Variants in PLAC1 observed in about 807,000 individuals in gnomAD.
The protein encoded by PLAC1 is placenta-specific protein 1.
For synonymous variants in PLAC1, 68 were observed against 62.1 expected, an observed-to-expected ratio of 1.09 and a Z score of -0.44; for missense variants, 136 against 163.2, an observed-to-expected ratio of 0.83 and a Z score of 0.91.
At chrX:134,636,740 T>A (rs2078285093) in intron 1 of PLAC1, among the ~76,000 whole-genome samples, 1 of 112,358 alleles carries the variant, frequency 8.9e-6, no homozygotes, top group Non-Finnish European at 1.9e-5. Context: ...TTAAAAGATA[T>A]CACGCTCCCT....
chrX:134,576,025 T>C (rs185499121), intron 2 of PLAC1, among the ~76,000 whole-genome samples: 39 of 108,460 alleles, frequency 3.6e-4, no homozygotes, highest in Non-Finnish European at 6.3e-4. Flanking sequence ...TGGTAATCTA[T>C]CTTCCCTTAA....
In PLAC1 at chrX:134,586,178, G is replaced by A. The variant is rs777514087; in HGVS notation, c.-59+15873C>T. Among the ~76,000 whole-genome samples the A allele has an allele frequency of 4.5e-5, 5 of 111,746 alleles. No individual in the cohort carries two copies. The East Asian group carries it at 1.1e-3, about 25-fold the overall frequency. ...TGTAAATAATTGTTGGGTCCAAGAA[G>A]ACCAACAACTGGCATTTTCCTGCCC... On this transcript the variant is annotated intron_variant, in intron 2 of 2. Transcript: ENST00000359237.
At chrX:134,658,071 A>G (rs1244034910) in intron 1 of PLAC1, among the ~76,000 whole-genome samples, 1 of 111,934 alleles carries the variant, frequency 8.9e-6, no homozygotes, top group Non-Finnish European at 1.9e-5. Flanking sequence ...TTAAATAAAG[A>G]ACAGACCAAA....
chrX:134,685,293 T>C (rs181592198), intron 2 of PLAC1, among the ~76,000 whole-genome samples: 3 of 111,188 alleles, frequency 2.7e-5, no homozygotes, highest in Non-Finnish European at 5.7e-5. Flanking sequence ...ACCAGATACA[T>C]AGGAATCCCT....
chrX:134,650,002 G>A (rs898335407), intron 1 of PLAC1, among the ~76,000 whole-genome samples: 1 of 111,709 alleles, frequency 9.0e-6, no homozygotes, highest in Non-Finnish European at 1.9e-5. Context: ...ATGCCAGAGA[G>A]TTCCTGCCCT....
At chrX:134,734,364 C>T (rs1281142801) in intron 1 of PLAC1, among the ~76,000 whole-genome samples, 2 of 112,557 alleles carry the variant, frequency 1.8e-5, no homozygotes, top group East Asian at 2.8e-4. Context: ...CGCATGGGGC[C>T]GGGGGGCTCC....
At chrX:134,595,625 A>G (rs2078058815) in intron 2 of PLAC1, among the ~76,000 whole-genome samples, 1 of 107,594 alleles carries the variant, frequency 9.3e-6, no homozygotes, top group Non-Finnish European at 1.9e-5. Context: ...GTGTATATAT[A>G]TATATATATC....
chrX:134,693,586 C>T (rs376604971), intron 2 of PLAC1, among the ~76,000 whole-genome samples: 32 of 111,729 alleles, frequency 2.9e-4, no homozygotes, highest in Admixed American at 8.5e-4. Context: ...AGCTCGCCTT[C>T]GCATAGCTTC....
At chrX:134,684,985 AG>A (rs1470825920) in intron 2 of PLAC1, among the ~76,000 whole-genome samples, 3 of 112,240 alleles carry the variant, frequency 2.7e-5, no homozygotes, top group Admixed American at 1.9e-4. Flanking sequence ...TCATGGCAAA[AG>A]GTGGTAAAGG....
intron 2 of PLAC1, among the ~76,000 whole-genome samples, chrX:134,698,428 G>C (rs1004906170): frequency 5.4e-5 from 6 of 111,628 alleles, no homozygotes; most frequent in African/African-American, 2.0e-4. Flanking sequence ...ACTCCAGCGT[G>C]GGCAACAAGA....
intron 2 of PLAC1, among the ~76,000 whole-genome samples, chrX:134,665,093 TG>T (rs1714823090): frequency 2.7e-5 from 3 of 109,681 alleles, no homozygotes; most frequent in Non-Finnish European, 3.8e-5. Flanking sequence ...TGTGTGTGTG[TG>T]TATGTGAGTG....
At chrX:134,704,476 C>T (rs1358295816) in intron 2 of PLAC1, among the ~76,000 whole-genome samples, 2 of 85,897 alleles carry the variant, frequency 2.3e-5, no homozygotes, top group Non-Finnish European at 4.5e-5. Context: ...CTGGGCAACA[C>T]AGTGAGACTC....
At position 134,585,228 on chromosome X, in the gene PLAC1, C is replaced by A. The variant is rs1054117935; in HGVS notation, c.-59+16823G>T. ...GGGCATGGTGGCACGCGCCTGTAGC[C>A]CCAGCTACTCGGGAGGCTGAGGCAG... On this transcript the variant is annotated intron_variant, in intron 2 of 2. Coordinates refer to ENST00000359237, the MANE Select transcript of PLAC1 (RefSeq NM_021796.4). Among the ~76,000 whole-genome samples the A allele has an allele frequency of 5.7e-5, 6 of 105,307 alleles. No homozygotes were observed. The East Asian group carries it at 1.2e-3, about 21-fold the overall frequency. 91.4% of individuals were successfully genotyped at this position (105,307 alleles called of 115,157 possible).
intron 1 of PLAC1, among the ~76,000 whole-genome samples, chrX:134,608,670 T>C (rs943791705): frequency 1.4e-4 from 10 of 69,116 alleles, no homozygotes; most frequent in African/African-American, 5.5e-4. Context: ...TTTTCTTTTT[T>C]TCTTTTTTCT....
At chrX:134,734,883 A>G (rs1042562212) in intron 1 of PLAC1, among the ~76,000 whole-genome samples, 1 of 110,389 alleles carries the variant, frequency 9.1e-6, no homozygotes, top group Admixed American at 9.7e-5. Flanking sequence ...CACCCCCTGG[A>G]CTGCTGGGGC....
chrX:134,758,834 G>A (rs2078763117), intron 1 of PLAC1, among the ~76,000 whole-genome samples: 1 of 111,814 alleles, frequency 8.9e-6, no homozygotes. Flanking sequence ...ATAGAGTTAA[G>A]AAACAACCTG....
chrX:134,575,451 A>T (rs1382822529), intron 2 of PLAC1, among the ~76,000 whole-genome samples: 6 of 88,651 alleles, frequency 6.8e-5, no homozygotes, highest in African/African-American at 2.9e-4. Context: ...CTCCAAAAAA[A>T]AACAAACAAA....
chrX:134,624,132 A>G (rs2078224289), intron 1 of PLAC1, among the ~76,000 whole-genome samples: 1 of 111,705 alleles, frequency 9.0e-6, no homozygotes, highest in South Asian at 3.7e-4. Flanking sequence ...GACAGAAATG[A>G]CACAGACTAA....
At chrX:134,642,622 G>A (rs939731427) in intron 1 of PLAC1, among the ~76,000 whole-genome samples, 10 of 111,232 alleles carry the variant, frequency 9.0e-5, no homozygotes, top group Non-Finnish European at 1.7e-4. Flanking sequence ...AAGGCTTCCT[G>A]AAAGACATGA....
Sources: gnomAD v4.1 joint callset for allele counts (sites outside exome capture counted in the v4.1 genomes callset) on GRCh38, gnomAD v4.1.1 for gene constraint, MANE v1.5 for transcripts, NCBI Gene and HGNC (gene_info 2026-07-23, HGNC 2026-07-21) for gene names.